TSPAN7: variants seen among roughly 807,000 people sequenced by gnomAD.
The protein encoded by TSPAN7 is tetraspanin-7.
In TSPAN7, 1 loss-of-function variant was observed where a neutral mutation model predicts 17.6. The observed-to-expected ratio is 0.06, with a 90% confidence interval of 0.02 to 0.27. The LOEUF (loss-of-function observed/expected upper bound fraction) is 0.27. TSPAN7 is among the 10% of genes least tolerant of loss of function. The pLI, the probability that TSPAN7 is intolerant of heterozygous loss-of-function variation, is 1.00. For missense variants in TSPAN7, 112 were observed against 201.7 expected, an observed-to-expected ratio of 0.56 and a Z score of 2.69; for synonymous variants, 78 against 79.0, an observed-to-expected ratio of 0.99 and a Z score of 0.07.
chrX:38,645,947 C>CATCA (rs1044470746), intron 1 of TSPAN7, among the ~76,000 whole-genome samples: 1 of 112,107 alleles, frequency 8.9e-6, no homozygotes, highest in African/African-American at 3.2e-5. Flanking sequence ...TTAAACCTTT[C>CATCA]ATCAGCACAA....
chrX:38,613,604 C>T (rs2069434253), intron 1 of TSPAN7, among the ~76,000 whole-genome samples: 1 of 111,538 alleles, frequency 9.0e-6, no homozygotes, highest in Admixed American at 9.5e-5. Context: ...AAGTCTCCTG[C>T]AGGAAGGGTA....
intron 1 of TSPAN7, among the ~76,000 whole-genome samples, chrX:38,622,191 A>G (rs2069492201): frequency 8.9e-6 from 1 of 112,263 alleles, no homozygotes; most frequent in African/African-American, 3.2e-5. Flanking sequence ...GCTTAGTTCT[A>G]GGATCTATAC....
At chrX:38,633,326 A>G (rs981617433) in intron 1 of TSPAN7, among the ~76,000 whole-genome samples, 1 of 111,961 alleles carries the variant, frequency 8.9e-6, no homozygotes, top group African/African-American at 3.2e-5. Context: ...TACAAAGTTA[A>G]GTAATGCCTA....
intron 1 of TSPAN7, among the ~76,000 whole-genome samples, chrX:38,615,807 C>A (rs1268414241): frequency 2.7e-5 from 3 of 112,136 alleles, no homozygotes; most frequent in Non-Finnish European, 5.6e-5. Flanking sequence ...GTAGAAAAAT[C>A]TGCTATTCCA....
At chrX:38,568,664 C>T (rs1432258795) in intron 1 of TSPAN7, among the ~76,000 whole-genome samples, 2 of 111,223 alleles carry the variant, frequency 1.8e-5, no homozygotes, top group African/African-American at 6.5e-5. Context: ...CCCTTTCAAT[C>T]TGGAAATTTT....
chrX:38,614,968 C>G (rs1241237315), intron 1 of TSPAN7, among the ~76,000 whole-genome samples: 1 of 106,860 alleles, frequency 9.4e-6, no homozygotes, highest in Non-Finnish European at 1.9e-5. Flanking sequence ...TAAATGGGAG[C>G]TGTAGAGTCT....
intron 1 of TSPAN7, among the ~76,000 whole-genome samples, chrX:38,632,453 T>A (rs983310204): frequency 1.3e-4 from 15 of 112,394 alleles, no homozygotes; most frequent in Non-Finnish European, 2.8e-4. Context: ...GAGAATCGTG[T>A]TAACAAGAAC....
intron 1 of TSPAN7, among the ~76,000 whole-genome samples, chrX:38,641,480 C>T (rs1238999693): frequency 8.9e-6 from 1 of 111,786 alleles, no homozygotes; most frequent in Non-Finnish European, 1.9e-5. Flanking sequence ...ACCATCTCTA[C>T]CCGATAGCGG....
chrX:38,589,887 T>G (rs184666433), intron 1 of TSPAN7, among the ~76,000 whole-genome samples: 2 of 112,165 alleles, frequency 1.8e-5, no homozygotes, highest in East Asian at 5.6e-4. Flanking sequence ...AATTCATATA[T>G]AGCTATGATG....
intron 1 of TSPAN7, among the ~76,000 whole-genome samples, chrX:38,601,866 A>T (rs2069348976): frequency 9.0e-6 from 1 of 111,495 alleles, no homozygotes; most frequent in Admixed American, 9.5e-5. Context: ...GGCACACTAC[A>T]TTCTCTCCCA....
At chrX:38,578,333 C>T (rs932948775) in intron 1 of TSPAN7, among the ~76,000 whole-genome samples, 1 of 111,804 alleles carries the variant, frequency 8.9e-6, no homozygotes, top group African/African-American at 3.3e-5. Context: ...TGGATGCCTA[C>T]GATTCCAGTA....
intron 1 of TSPAN7, among the ~76,000 whole-genome samples, chrX:38,576,674 T>C (rs1389174546): frequency 8.9e-6 from 1 of 111,911 alleles, no homozygotes; most frequent in Non-Finnish European, 1.9e-5. Flanking sequence ...CAGAGTTCAC[T>C]TGGAGAATGA....
chrX:38,565,367 C>T (rs761541933), intron 1 of TSPAN7, among the ~76,000 whole-genome samples: 183 of 111,641 alleles, frequency 1.6e-3, no homozygotes, highest in Non-Finnish European at 2.2e-3. Flanking sequence ...GTAGCTGGGA[C>T]TACAGGTGTG....
intron 1 of TSPAN7, among the ~76,000 whole-genome samples, chrX:38,639,023 C>T (rs2069598118): frequency 9.0e-6 from 1 of 111,324 alleles, no homozygotes; most frequent in African/African-American, 3.3e-5. Flanking sequence ...TTACGACACC[C>T]TTTGCCTCTG....
At chrX:38,681,432 C>T (rs2069890948) in intron 6 of TSPAN7, 145 bp downstream of exon 6, 1 of 521,442 alleles carries the variant, frequency 1.9e-6, no homozygotes, top group Non-Finnish European at 3.4e-6. Flanking sequence ...CTCAGGTGAT[C>T]TGTTTATTGA....
chrX:38,623,907 A>T, intron 1 of TSPAN7, among the ~76,000 whole-genome samples: 1 of 47,684 alleles, frequency 2.1e-5, no homozygotes, highest in Non-Finnish European at 3.5e-5. Context: ...CCCACCCCCC[A>T]CCCCTCAGTG....
intron 6 of TSPAN7, among the ~76,000 whole-genome samples, chrX:38,683,016 G>GA (rs1179280905): frequency 1.3e-4 from 14 of 109,903 alleles, no homozygotes; most frequent in Admixed American, 1.9e-4. Context: ...CCCATTGGAG[G>GA]AAAAAAAAAT....
intron 5 of TSPAN7, among the ~76,000 whole-genome samples, chrX:38,676,903 C>T (rs999794458): frequency 1.0e-3 from 117 of 112,252 alleles, no homozygotes; most frequent in African/African-American, 3.6e-3. Context: ...GACATCCCCA[C>T]TGAGTACCCA....
intron 1 of TSPAN7, among the ~76,000 whole-genome samples, chrX:38,580,887 G>C (rs921269382): frequency 1.8e-5 from 2 of 111,449 alleles, no homozygotes; most frequent in African/African-American, 6.5e-5. Flanking sequence ...GAAGAGATGG[G>C]TTAGAGGGTA....
Sources: allele counts gnomAD v4.1 joint callset (sites outside exome capture counted in the v4.1 genomes callset), GRCh38; gene constraint gnomAD v4.1.1; transcripts MANE v1.5; gene names NCBI Gene and HGNC (gene_info 2026-07-23, HGNC 2026-07-21).